Variants in ATOSA observed in about 807,000 individuals in gnomAD.
The protein encoded by ATOSA is atos homolog protein A.
At chr15:52,650,905 C>T in the ATOSA span, among the ~76,000 whole-genome samples, 2 of 152,182 alleles carry the variant, frequency 1.3e-5, no homozygotes, top group Admixed American at 6.5e-5. Flanking sequence ...TTAGCTAAAT[C>T]ACATATGTAA....
chr15:52,654,737 A>C, the ATOSA span, among the ~76,000 whole-genome samples: 1 of 152,164 alleles, frequency 6.6e-6, no homozygotes, highest in Non-Finnish European at 1.5e-5. Flanking sequence ...GAAAATTTCA[A>C]ATAACTATTT....
the ATOSA span, among the ~76,000 whole-genome samples, chr15:52,615,270 T>C: frequency 9.2e-5 from 14 of 152,266 alleles, no homozygotes; most frequent in African/African-American, 3.4e-4. Flanking sequence ...ATATTTCTCA[T>C]GAGTGCTCTT....
chr15:52,641,349 C>T, the ATOSA span, among the ~76,000 whole-genome samples: 382 of 152,302 alleles, frequency 2.5e-3, 2 homozygotes, highest in African/African-American at 8.8e-3. Flanking sequence ...ACCAAGAGCC[C>T]CCCTACAGTG....
chr15:52,613,635 A>C, the ATOSA span: 1 of 1,582,074 alleles, frequency 6.3e-7, no homozygotes, highest in African/African-American at 1.3e-5. Context: ...AAACTAGTTT[A>C]TATAAAAGAT....
the ATOSA span, among the ~76,000 whole-genome samples, chr15:52,660,122 T>C: frequency 3.9e-5 from 6 of 152,200 alleles, no homozygotes; most frequent in African/African-American, 1.4e-4. Flanking sequence ...AATAAAATTA[T>C]GATATCTTAG....
the ATOSA span, chr15:52,613,562 G>T: frequency 8.0e-7 from 1 of 1,247,528 alleles, no homozygotes; most frequent in South Asian, 1.6e-5. Flanking sequence ...TTATGATTAT[G>T]ATCAATTTTA....
chr15:52,671,531 G>T, the ATOSA span, among the ~76,000 whole-genome samples: 25 of 152,118 alleles, frequency 1.6e-4, no homozygotes, highest in Non-Finnish European at 3.1e-4. Flanking sequence ...TAAGAGACAA[G>T]GTTTCCGGAC....
chr15:52,612,694 G>C, the ATOSA span, among the ~76,000 whole-genome samples: 1 of 151,482 alleles, frequency 6.6e-6, no homozygotes, highest in African/African-American at 2.4e-5. Context: ...TAGTAGAGAT[G>C]AGGTTTCACT....
chr15:52,683,090 C>A, the ATOSA span, among the ~76,000 whole-genome samples: 2 of 152,170 alleles, frequency 1.3e-5, no homozygotes, highest in African/African-American at 4.8e-5. Flanking sequence ...GGTGGATAAA[C>A]CTTTAATTAA....
chr15:52,586,206 G>A, the ATOSA span: 1 of 152,094 alleles, frequency 6.6e-6, no homozygotes, highest in Non-Finnish European at 1.5e-5. Context: ...TGGTATTCTT[G>A]TGGTAATTCC....
the ATOSA span, among the ~76,000 whole-genome samples, chr15:52,592,083 G>A: frequency 2.6e-5 from 4 of 152,138 alleles, no homozygotes; most frequent in Non-Finnish European, 4.4e-5. Context: ...CCACATATAG[G>A]TTCCTAAAAG....
chr15:52,646,479 C>T, the ATOSA span, among the ~76,000 whole-genome samples: 8 of 152,144 alleles, frequency 5.3e-5, no homozygotes, highest in Non-Finnish European at 7.4e-5. Flanking sequence ...CTGAACACCG[C>T]ATTCCAGGCT....
the ATOSA span, among the ~76,000 whole-genome samples, chr15:52,673,623 C>A: frequency 6.6e-6 from 1 of 152,172 alleles, no homozygotes; most frequent in East Asian, 1.9e-4. Context: ...CTATCATGAC[C>A]ACCTCTACCT....
chr15:52,632,000 C>T, the ATOSA span, among the ~76,000 whole-genome samples: 1 of 152,168 alleles, frequency 6.6e-6, no homozygotes, highest in African/African-American at 2.4e-5. Context: ...TTCAGCCTCC[C>T]AAAGTGCTGG....
At chr15:52,651,780 T>G in the ATOSA span, 1 of 1,262,432 alleles carries the variant, frequency 7.9e-7, no homozygotes, top group Non-Finnish European at 1.1e-6. Flanking sequence ...TAAAAATCCA[T>G]GCAAAGCAAG....
the ATOSA span, among the ~76,000 whole-genome samples, chr15:52,654,309 G>A: frequency 3.9e-5 from 6 of 152,156 alleles, no homozygotes; most frequent in African/African-American, 1.4e-4. Flanking sequence ...TTTATTTAGT[G>A]AAATGCTCCC....
chr15:52,603,010 T>A, the ATOSA span, among the ~76,000 whole-genome samples: 1 of 152,226 alleles, frequency 6.6e-6, no homozygotes, highest in African/African-American at 2.4e-5. Context: ...GGGGCAAATG[T>A]CTTCCTGTAT....
the ATOSA span, chr15:52,656,648 C>A: frequency 2.6e-5 from 4 of 152,032 alleles, no homozygotes; most frequent in African/African-American, 4.8e-5. Context: ...TGGCATCATT[C>A]ATACTACATT....
At chr15:52,704,570 A>G in the ATOSA span, among the ~76,000 whole-genome samples, 1 of 152,222 alleles carries the variant, frequency 6.6e-6, no homozygotes, top group African/African-American at 2.4e-5. Context: ...TAAGCAGACA[A>G]CCTACAGAAT....
Sources: gnomAD v4.1 joint callset for allele counts (sites outside exome capture counted in the v4.1 genomes callset) on GRCh38, gnomAD v4.1.1 for gene constraint, MANE v1.5 for transcripts, NCBI Gene and HGNC (gene_info 2026-07-23, HGNC 2026-07-21) for gene names.